The following FAM184B variants were observed in gnomAD, a reference collection of about 807,000 sequenced individuals.
The protein encoded by FAM184B is family with sequence similarity 184 member B.
Under a neutral mutation model 135.9 loss-of-function variants are expected in FAM184B, and 111 were observed. That is an observed-to-expected ratio of 0.82 (90% CI 0.70 to 0.96). FAM184B has a LOEUF of 0.96. FAM184B is among the 40% of genes least tolerant of loss of function. The pLI, the probability that FAM184B is intolerant of heterozygous loss-of-function variation, is 0.00. For missense variants in FAM184B, 1,375 were observed against 1,323.9 expected, an observed-to-expected ratio of 1.04 and a Z score of -0.60; for synonymous variants, 552 against 524.8, an observed-to-expected ratio of 1.05 and a Z score of -0.71.
chr4:17,748,507 T>A (rs1046446111), intron 1 of FAM184B, among the ~76,000 whole-genome samples: 3 of 16,814 alleles, frequency 1.8e-4, no homozygotes, highest in East Asian at 1.2e-3. Flanking sequence ...CTTGTGTAAT[T>A]TTTTTTTTTT....
At chr4:17,665,288 C>T (rs1046809650) in intron 7 of FAM184B, among the ~76,000 whole-genome samples, 10 of 152,228 alleles carry the variant, frequency 6.6e-5, no homozygotes, top group African/African-American at 1.7e-4. Flanking sequence ...AATATGGGAA[C>T]GATTAGTTAA....
intron 1 of FAM184B, among the ~76,000 whole-genome samples, chr4:17,737,043 G>A (rs1396054167): frequency 2.0e-5 from 3 of 152,120 alleles, no homozygotes; most frequent in African/African-American, 7.2e-5. Context: ...TACTCGGGAA[G>A]CTGAGGCAGG....
At chr4:17,708,564 G>C (rs1328590024) in intron 2 of FAM184B, among the ~76,000 whole-genome samples, 1 of 150,038 alleles carries the variant, frequency 6.7e-6, no homozygotes, top group Non-Finnish European at 1.5e-5. Flanking sequence ...AGAATTGCTT[G>C]AACCTGGGAG....
intron 1 of FAM184B, among the ~76,000 whole-genome samples, chr4:17,722,154 G>C (rs1225983967): frequency 6.6e-6 from 1 of 152,134 alleles, no homozygotes. Context: ...CTGAGGGTAT[G>C]GCTATCCCAT....
intron 6 of FAM184B, among the ~76,000 whole-genome samples, chr4:17,691,136 G>A (rs1309700467): frequency 6.6e-6 from 1 of 152,136 alleles, no homozygotes; most frequent in Non-Finnish European, 1.5e-5. Flanking sequence ...GGCAGTATTA[G>A]CTTAGCGGTT....
chr4:17,641,446 C>T, intron 13 of FAM184B, among the ~76,000 whole-genome samples: 1 of 127,562 alleles, frequency 7.8e-6, no homozygotes, highest in Admixed American at 8.4e-5. Context: ...TGCAGGGAAA[C>T]AAACAGGACT....
Position 17,686,668 on chromosome 4 carries a change from A to C in FAM184B, c.1596+1756T>G, listed in dbSNP as rs145142597. Among the ~76,000 whole-genome samples the C allele has an allele frequency of 4.8e-3, 728 of 152,368 alleles. 2 individuals are homozygous for C. Among genetic ancestry groups the C allele is most frequent in the African/African-American group, 0.016 (684 of 41,590 alleles). On this transcript the variant is annotated intron_variant, in intron 7 of 17. Coordinates refer to ENST00000265018, the MANE Select transcript of FAM184B (RefSeq NM_015688.2). ...TTGGAAAATTCCAATGAAGCTGAGC[A>C]TGCTGGCTCATGCCTGTAATCCCAG...
chr4:17,777,572 T>C (rs529188286), intron 1 of FAM184B, among the ~76,000 whole-genome samples: 8 of 152,164 alleles, frequency 5.3e-5, no homozygotes, highest in Admixed American at 2.0e-4. Context: ...ATTATTGAAA[T>C]TCAAAAAACT....
rs1167528232 is a variant in FAM184B, at chr4:17,642,046, G to T, written c.2519+10C>A. On this transcript the variant is annotated intron_variant, in intron 13 of 17. Transcript: ENST00000265018. ...GGTGGCGCGGTGGCGGGGCGCGCCG[G>T]GTCACCCACCTGCGCTGGTCTCGGA... 6 of 1,522,780 alleles carry T rather than the reference G, an allele frequency of 3.9e-6. No homozygotes were observed. The highest frequency in any genetic ancestry group is 5.3e-6 in the Non-Finnish European group (6 of 1,141,330). The allele number at this position is 1,522,780 out of a possible 1,614,324, so 94.3% of individuals were successfully genotyped here. A position where few individuals can be genotyped will look rare whatever the true frequency, so the allele number is the denominator to read the frequency against.
rs549652086 is a variant in FAM184B at position 17,717,400 on chromosome 4, T to A, written c.142-7756A>T. Among the ~76,000 whole-genome samples the A allele has an allele frequency of 9.2e-5, 14 of 152,326 alleles. No individual in the cohort carries two copies. In the South Asian group the frequency reaches 2.9e-3, roughly 32 times the overall value. ...GATTTTGAGCAGTCCGCTCTTCTCC[T>A]GGGCTTCATGCCTCACAGGTCGCTT... is the stretch of plus-strand genomic sequence containing the variant. On this transcript the variant is annotated intron_variant, in intron 1 of 17. Transcript: ENST00000265018.
At chr4:17,742,576 G>T (rs1393384654) in intron 1 of FAM184B, among the ~76,000 whole-genome samples, 1 of 152,094 alleles carries the variant, frequency 6.6e-6, no homozygotes, top group Non-Finnish European at 1.5e-5. Context: ...AAAGATTTCA[G>T]CTGATAGAGC....
intron 10 of FAM184B, among the ~76,000 whole-genome samples, chr4:17,655,856 C>T (rs1375113621): frequency 6.6e-6 from 1 of 152,210 alleles, no homozygotes; most frequent in East Asian, 1.9e-4. Flanking sequence ...AAGTACTTTA[C>T]ATGCAGTGTC....
intron 11 of FAM184B, among the ~76,000 whole-genome samples, chr4:17,651,532 T>A (rs1415241655): frequency 2.5e-5 from 2 of 79,576 alleles, no homozygotes; most frequent in Non-Finnish European, 4.3e-5. Context: ...AGCAAGACTC[T>A]GTCTCAAAAA....
intron 1 of FAM184B, among the ~76,000 whole-genome samples, chr4:17,766,913 G>A (rs899625289): frequency 6.6e-6 from 1 of 152,204 alleles, no homozygotes; most frequent in Non-Finnish European, 1.5e-5. Context: ...TGCAGGGGAG[G>A]CTCAGGCATG....
intron 5 of FAM184B, among the ~76,000 whole-genome samples, chr4:17,701,173 T>C (rs1366285155): frequency 3.3e-5 from 5 of 152,214 alleles, no homozygotes; most frequent in Non-Finnish European, 5.9e-5. Flanking sequence ...GGCTGATTCC[T>C]GTGTTCCTGC....
chr4:17,632,947 A>T (rs548810980), intron 17 of FAM184B: 7 of 190,602 alleles, frequency 3.7e-5, no homozygotes, highest in African/African-American at 1.4e-4. Flanking sequence ...TTTGTGACAG[A>T]GTCTCCCTCT....
intron 1 of FAM184B, among the ~76,000 whole-genome samples, chr4:17,729,614 C>T (rs192810500): frequency 1.9e-3 from 296 of 152,256 alleles, no homozygotes; most frequent in African/African-American, 6.0e-3. Flanking sequence ...CTACAGCCAC[C>T]GCTGTTCTGC....
At chr4:17,692,380 G>A (rs966175380) in intron 6 of FAM184B, among the ~76,000 whole-genome samples, 6 of 152,154 alleles carry the variant, frequency 3.9e-5, no homozygotes, top group Non-Finnish European at 8.8e-5. Context: ...CAACTCTAAG[G>A]AAAGACATAC....
chr4:17,727,962 A>G (rs1298559373), intron 1 of FAM184B, among the ~76,000 whole-genome samples: 1 of 152,112 alleles, frequency 6.6e-6, no homozygotes, highest in Non-Finnish European at 1.5e-5. Flanking sequence ...GCAGTTGGCC[A>G]TTGAGTTCTT....
Sources: gnomAD v4.1 joint callset for allele counts (sites outside exome capture counted in the v4.1 genomes callset) on GRCh38, gnomAD v4.1.1 for gene constraint, MANE v1.5 for transcripts, NCBI Gene and HGNC (gene_info 2026-07-23, HGNC 2026-07-21) for gene names.